Variants in ADAMTSL1 observed in about 807,000 individuals in gnomAD.
ADAMTSL1 encodes the protein ADAMTS-like protein 1.
A neutral mutation model predicts 201.8 loss-of-function variants in ADAMTSL1; 126 were observed. The observed-to-expected ratio is 0.62, with a 90% CI of 0.54 to 0.72. The LOEUF is 0.72. Ranked by LOEUF, ADAMTSL1 falls within the 30% of genes least tolerant of loss-of-function variation. ADAMTSL1 has a pLI of 0.00. For missense variants in ADAMTSL1, 2,679 were observed against 2,277.8 expected (o/e 1.18, Z -3.59); for synonymous variants, 1,121 against 903.4 (o/e 1.24, Z -4.32).
At chr9:18,289,829 G>A (rs1833179654) in intron 2 of ADAMTSL1, among the ~76,000 whole-genome samples, 1 of 152,146 alleles carries the variant, frequency 6.6e-6, no homozygotes, top group East Asian at 1.9e-4. Flanking sequence ...GACTTCTCAA[G>A]ACAGGCTGGA....
intron 23 of ADAMTSL1, among the ~76,000 whole-genome samples, chr9:18,848,701 A>C (rs1826288664): frequency 6.6e-6 from 1 of 152,208 alleles, no homozygotes; most frequent in African/African-American, 2.4e-5. Context: ...AGAGTTGGGC[A>C]AACATTTTCT....
intron 1 of ADAMTSL1, among the ~76,000 whole-genome samples, chr9:18,155,836 A>G (rs1827129354): frequency 1.3e-5 from 2 of 152,094 alleles, no homozygotes; most frequent in South Asian, 4.1e-4. Flanking sequence ...GGTCAAAAGA[A>G]GAGATGCTAT....
At chr9:17,985,396 T>C (rs1818883638) in intron 1 of ADAMTSL1, among the ~76,000 whole-genome samples, 1 of 152,148 alleles carries the variant, frequency 6.6e-6, no homozygotes, top group Admixed American at 6.5e-5. Context: ...TTTAAAATAA[T>C]TAAATCAGTG....
chr9:18,232,654 T>A (rs1217640465), intron 2 of ADAMTSL1, among the ~76,000 whole-genome samples: 1 of 152,162 alleles, frequency 6.6e-6, no homozygotes, highest in Non-Finnish European at 1.5e-5. Flanking sequence ...CCTCTAGAGT[T>A]TGACTCATTC....
intron 1 of ADAMTSL1, among the ~76,000 whole-genome samples, chr9:18,117,346 C>T (rs1490240355): frequency 2.0e-5 from 3 of 152,102 alleles, no homozygotes; most frequent in African/African-American, 7.2e-5. Flanking sequence ...TACTTTCTCT[C>T]CTACCGCCTT....
intron 1 of ADAMTSL1, among the ~76,000 whole-genome samples, chr9:17,928,411 C>T (rs189005246): frequency 1.3e-5 from 2 of 152,298 alleles, no homozygotes; most frequent in Admixed American, 6.5e-5. Flanking sequence ...AATAGTTTCA[C>T]ATTGGAAATC....
chr9:18,176,490 G>A (rs541261955), intron 2 of ADAMTSL1, among the ~76,000 whole-genome samples: 3 of 152,096 alleles, frequency 2.0e-5, no homozygotes, highest in South Asian at 4.2e-4. Context: ...TCTGTATCAC[G>A]TGCTGCCTTA....
intron 15 of ADAMTSL1, among the ~76,000 whole-genome samples, chr9:18,741,847 G>T (rs1369929398): frequency 1.3e-5 from 2 of 152,052 alleles, no homozygotes; most frequent in Non-Finnish European, 2.9e-5. Context: ...TGTGTAGGGT[G>T]TTCTTCAGGT....
chr9:18,420,547 A>G (rs2133359131), intron 2 of ADAMTSL1, among the ~76,000 whole-genome samples: 1 of 152,326 alleles, frequency 6.6e-6, no homozygotes, highest in East Asian at 1.9e-4. Flanking sequence ...AATATTGGGC[A>G]TGCCTTTGTG....
chr9:18,179,553 C>A (rs1828356752), intron 2 of ADAMTSL1, among the ~76,000 whole-genome samples: 1 of 152,138 alleles, frequency 6.6e-6, no homozygotes, highest in Admixed American at 6.5e-5. Flanking sequence ...TCGAGAAGAG[C>A]AACTCCCAGA....
At chr9:18,101,321 C>A (rs1052197149) in intron 1 of ADAMTSL1, among the ~76,000 whole-genome samples, 1 of 151,894 alleles carries the variant, frequency 6.6e-6, no homozygotes, top group Admixed American at 6.6e-5. Context: ...CAGGGTGAAA[C>A]CCCGTATCTA....
intron 13 of ADAMTSL1, among the ~76,000 whole-genome samples, chr9:18,697,044 T>C (rs1236600138): frequency 1.3e-5 from 2 of 151,652 alleles, no homozygotes; most frequent in East Asian, 3.9e-4. Flanking sequence ...CACACCCAGC[T>C]AATTTTTGTA....
intron 20 of ADAMTSL1, among the ~76,000 whole-genome samples, chr9:18,811,108 C>T (rs1156791859): frequency 2.7e-5 from 4 of 150,830 alleles, no homozygotes; most frequent in Admixed American, 2.6e-4. Context: ...GACAGAAAAC[C>T]TTTAGAAAAT....
chr9:18,462,854 A>G (rs1163958341), intron 2 of ADAMTSL1, among the ~76,000 whole-genome samples: 1 of 151,934 alleles, frequency 6.6e-6, no homozygotes, highest in Non-Finnish European at 1.5e-5. Context: ...CAGGAGAATC[A>G]CTTGAACCCA....
chr9:18,554,504 G>T lies in ADAMTSL1; in HGVS notation c.238-19526G>T, dbSNP rs574934494. On this transcript the variant is annotated intron_variant, in intron 3 of 28. Transcript: ENST00000380548. Reference sequence around the variant, plus strand: ...ATAGGGTGACCCAATGCGAATCCAAGACCACTTTACATTCCCAAATGTCCG... The same window carrying T: ...ATAGGGTGACCCAATGCGAATCCAATACCACTTTACATTCCCAAATGTCCG... 2.6e-5 allele frequency among the ~76,000 whole-genome samples: 4 copies of T among 151,852 alleles called. No individual in the cohort carries two copies. In the East Asian group the frequency reaches 7.8e-4, roughly 29 times the overall value.
intron 1 of ADAMTSL1, among the ~76,000 whole-genome samples, chr9:18,154,551 T>C (rs900875074): frequency 1.3e-5 from 2 of 152,088 alleles, no homozygotes; most frequent in Admixed American, 6.6e-5. Flanking sequence ...GCCTGTGCAG[T>C]GCTTTCCTGT....
At chr9:18,097,197 T>C (rs762091434) in intron 1 of ADAMTSL1, among the ~76,000 whole-genome samples, 6 of 152,242 alleles carry the variant, frequency 3.9e-5, no homozygotes, top group Non-Finnish European at 8.8e-5. Context: ...GTGTATTCAT[T>C]TGGTTCTGGC....
At position 17,918,990 on chromosome 9, in the gene ADAMTSL1, A is replaced by T. The variant is rs58741343; in HGVS notation, c.87+12068A>T. Among the ~76,000 whole-genome samples, 1,439 of 152,006 alleles carry T rather than the reference A, an allele frequency of 9.5e-3. 26 individuals are homozygous for T. The highest frequency in any genetic ancestry group is 0.033 in the African/African-American group (1,382 of 41,542). On this transcript the variant is annotated intron_variant, in intron 1 of 29. Coordinates refer to the ADAMTSL1 transcript ENST00000680146. ...CTTTGCCTTTGGCTATATTAATATT[A>T]GACAAACATTTCTGATTTGAGATTT...
intron 1 of ADAMTSL1, among the ~76,000 whole-genome samples, chr9:17,915,477 G>C (rs1826056034): frequency 6.6e-6 from 1 of 152,220 alleles, no homozygotes; most frequent in Non-Finnish European, 1.5e-5. Flanking sequence ...TTGATGGACA[G>C]TGTGTCTGTT....
Sources: gnomAD v4.1 joint callset for allele counts (sites outside exome capture counted in the v4.1 genomes callset) on GRCh38, gnomAD v4.1.1 for gene constraint, MANE v1.5 for transcripts, NCBI Gene and HGNC (gene_info 2026-07-23, HGNC 2026-07-21) for gene names.